Variants in DNAJC6 observed in about 807,000 individuals in gnomAD.
The protein encoded by DNAJC6 is DnaJ heat shock protein family (Hsp40) member C6, also known as auxilin.
In DNAJC6, 34 loss-of-function variants were observed where a neutral mutation model predicts 110.0. The ratio of observed to expected loss-of-function variants is 0.31; its 90% CI spans 0.24 to 0.41. DNAJC6 has a LOEUF of 0.41. Among genes scored for constraint, DNAJC6 ranks in the 10% least tolerant of loss-of-function variants. The probability of loss-of-function intolerance (pLI) is 1.00; values close to 1 mark genes in which losing one functional copy is unlikely to be tolerated. For missense variants in DNAJC6, 1,031 were observed against 1,207.8 expected, an observed-to-expected ratio of 0.85 and a Z score of 2.17; for synonymous variants, 406 against 437.2, an observed-to-expected ratio of 0.93 and a Z score of 0.89.
chr1:65,396,990 C>T (rs1200673635), intron 13 of DNAJC6, among the ~76,000 whole-genome samples: 1 of 152,090 alleles, frequency 6.6e-6, no homozygotes, highest in Admixed American at 6.6e-5. Flanking sequence ...GTCCCATGGA[C>T]GTGGGTGTTC....
At chr1:65,360,782 G>A (rs1234838196) in intron 1 of DNAJC6, among the ~76,000 whole-genome samples, 3 of 152,188 alleles carry the variant, frequency 2.0e-5, no homozygotes, top group African/African-American at 7.2e-5. Flanking sequence ...ATTCAGGGCT[G>A]TGAAGCAGTA....
chr1:65,351,627 G>A (rs1288666194), intron 1 of DNAJC6, among the ~76,000 whole-genome samples: 1 of 152,142 alleles, frequency 6.6e-6, no homozygotes, highest in East Asian at 1.9e-4. Context: ...ATTTGCTACA[G>A]TGCTGAGTTG....
intron 11 of DNAJC6, among the ~76,000 whole-genome samples, chr1:65,390,155 T>A (rs1261243601): frequency 6.6e-6 from 1 of 152,200 alleles, no homozygotes; most frequent in Non-Finnish European, 1.5e-5. Context: ...TTCTCCCTTC[T>A]CTCTGCTGTG....
At chr1:65,402,786 A>G (rs1007489401) in intron 15 of DNAJC6, among the ~76,000 whole-genome samples, 1 of 152,182 alleles carries the variant, frequency 6.6e-6, no homozygotes, top group East Asian at 1.9e-4. Flanking sequence ...TCCATTCTGT[A>G]CTATTTAGAT....
chr1:65,388,484 C>G (rs1246597716), intron 9 of DNAJC6, 69 bp downstream of exon 9: 1 of 1,412,486 alleles, frequency 7.1e-7, no homozygotes, highest in Non-Finnish European at 1.0e-6. Context: ...CTCAATGGCA[C>G]CAGGCTGTAG....
intron 1 of DNAJC6, among the ~76,000 whole-genome samples, chr1:65,357,533 C>T (rs1645555052): frequency 6.6e-6 from 1 of 152,216 alleles, no homozygotes; most frequent in Non-Finnish European, 1.5e-5. Context: ...CTGCCCATCT[C>T]CTCCCTGTCC....
chr1:65,411,464 C>T (rs886559320), intron 18 of DNAJC6, 38 bp downstream of exon 18: 2 of 1,572,014 alleles, frequency 1.3e-6, no homozygotes, highest in African/African-American at 2.7e-5. Context: ...CTTGTCAGGT[C>T]CTTGCTTCAT....
At chr1:65,368,723 T>TTCTTCC (rs1480484799) in intron 4 of DNAJC6, among the ~76,000 whole-genome samples, 11 of 45,924 alleles carry the variant, frequency 2.4e-4, no homozygotes, top group African/African-American at 2.0e-3. Flanking sequence ...CTTCCTCTTC[T>TTCTTCC]TCTTCTTCTT....
In DNAJC6 at chr1:65,366,049, G is replaced by A; in HGVS notation, c.396G>A (p.Val132=). ...CTTTCTGTGTGATCTCTCTCCTAGT[G>A]ATGTCCTTTCCTCTGGACAATGTTG... ...DFTYVTSRII[V]MSFPLDNVDI... is the part of the protein sequence containing the mutation. Residue 132 remains valine (V), a splice_region_variant and synonymous_variant, in exon 4 of 19, where the codon GTG becomes GTA. Transcript: ENST00000371069. 1 of 1,613,790 alleles carries A rather than the reference G, an allele frequency of 6.2e-7. No homozygotes were observed. Among genetic ancestry groups the A allele is most frequent in the Non-Finnish European group, 8.5e-7 (1 of 1,179,768 alleles).
chr1:65,379,425 T>TA lies in DNAJC6; in HGVS notation c.568dup (p.Arg190LysfsTer18), dbSNP rs774541369. The TA allele has an allele frequency of 6.2e-7, 1 of 1,614,108 alleles. No individual in the cohort carries two copies. On this transcript the variant is annotated frameshift_variant, in exon 5 of 19. Transcript: ENST00000371069. LOFTEE classifies it high-confidence loss of function. ...AGGTCTCAGAATGCAGTTGGCCCATTAGGCAGGCTCCCAGTCTGCACAACC... is the reference window on the plus strand; with the variant it reads ...AGGTCTCAGAATGCAGTTGGCCCATTAAGGCAGGCTCCCAGTCTGCACAACC...
intron 5 of DNAJC6, among the ~76,000 whole-genome samples, chr1:65,383,504 G>A (rs566274078): frequency 2.6e-5 from 4 of 152,174 alleles, no homozygotes; most frequent in African/African-American, 9.6e-5. Flanking sequence ...CTTCTGGGGT[G>A]GCAGATGGCT....
intron 1 of DNAJC6, among the ~76,000 whole-genome samples, chr1:65,284,485 C>T (rs763171716): frequency 7.9e-5 from 12 of 152,160 alleles, no homozygotes; most frequent in Non-Finnish European, 1.3e-4. Context: ...TCCTCTAGTA[C>T]TGAGTCTGTT....
At chr1:65,327,157 G>A (rs1645248780) in intron 1 of DNAJC6, among the ~76,000 whole-genome samples, 1 of 152,228 alleles carries the variant, frequency 6.6e-6, no homozygotes, top group South Asian at 2.1e-4. Flanking sequence ...TGGTGGAGAG[G>A]GAGATGGGGG....
chr1:65,317,945 G>A (rs1229440786), intron 1 of DNAJC6, among the ~76,000 whole-genome samples: 1 of 152,222 alleles, frequency 6.6e-6, no homozygotes, highest in Non-Finnish European at 1.5e-5. Context: ...TGGGCTTTGG[G>A]CTAATGCACA....
intron 1 of DNAJC6, among the ~76,000 whole-genome samples, chr1:65,292,074 T>C (rs568526652): frequency 6.6e-6 from 1 of 152,170 alleles, no homozygotes; most frequent in Non-Finnish European, 1.5e-5. Flanking sequence ...TGGAGTACAA[T>C]GGCGCGATCT....
intron 5 of DNAJC6, among the ~76,000 whole-genome samples, chr1:65,381,710 C>G (rs74082640): frequency 6.6e-6 from 1 of 152,276 alleles, no homozygotes; most frequent in African/African-American, 2.4e-5. Context: ...GAAAATAAAT[C>G]AGATTAAGAA....
rs562626374 is a variant in DNAJC6 at position 65,340,302 on chromosome 1, A to G, written c.194-24333A>G. On this transcript the variant is annotated intron_variant, in intron 1 of 18. Coordinates refer to ENST00000371069, the MANE Select transcript of DNAJC6 (RefSeq NM_001256864.2). ...TGGCCACATTGTATTTGGTGAGTCCAGGCTCCTGCTCTTATCAGAACAGCA... is the reference window on the plus strand; with the variant it reads ...TGGCCACATTGTATTTGGTGAGTCCGGGCTCCTGCTCTTATCAGAACAGCA... Among the ~76,000 whole-genome samples the G allele has an allele frequency of 1.6e-3, 248 of 152,336 alleles. 4 individuals are homozygous for G. Among genetic ancestry groups the G allele is most frequent in the African/African-American group, 5.8e-3 (243 of 41,586 alleles).
chr1:65,367,299 A>G (rs1329433516), intron 4 of DNAJC6, among the ~76,000 whole-genome samples: 1 of 152,174 alleles, frequency 6.6e-6, no homozygotes, highest in Non-Finnish European at 1.5e-5. Flanking sequence ...ACTCTTTGAT[A>G]AAGCACTGAT....
intron 1 of DNAJC6, among the ~76,000 whole-genome samples, chr1:65,310,631 A>T (rs1645090322): frequency 6.6e-6 from 1 of 152,204 alleles, no homozygotes; most frequent in African/African-American, 2.4e-5. Flanking sequence ...AGGGACAAGG[A>T]AATTCCTCTA....
Sources: gnomAD v4.1 joint callset for allele counts (sites outside exome capture counted in the v4.1 genomes callset) on GRCh38, gnomAD v4.1.1 for gene constraint, MANE v1.5 for transcripts, NCBI Gene and HGNC (gene_info 2026-07-23, HGNC 2026-07-21) for gene names.